The following CNTN5 variants were observed in gnomAD, a reference collection of about 807,000 sequenced individuals.
The protein encoded by CNTN5 is contactin-5.
A neutral mutation model predicts 129.1 loss-of-function variants in CNTN5; 77 were observed. The ratio of observed to expected loss-of-function variants is 0.60; its 90% CI spans 0.50 to 0.72. The LOEUF is 0.72. Among genes scored for constraint, CNTN5 ranks in the 30% least tolerant of loss-of-function variants. CNTN5 has a pLI of 0.00. For synonymous variants in CNTN5, 509 were observed against 465.6 expected (o/e 1.09, Z -1.20); for missense variants, 1,478 against 1,328.8 (o/e 1.11, Z -1.75).
intron 3 of CNTN5, among the ~76,000 whole-genome samples, chr11:99,622,787 T>G (rs1950994874): frequency 6.6e-6 from 1 of 152,006 alleles, no homozygotes. Flanking sequence ...GCTAACTTGT[T>G]AATTGATTTT....
chr11:99,846,837 T>G (rs2135706512), intron 6 of CNTN5, among the ~76,000 whole-genome samples: 1 of 152,258 alleles, frequency 6.6e-6, no homozygotes, highest in African/African-American at 2.4e-5. Flanking sequence ...AATATCATAT[T>G]TTAAAGTAGA....
chr11:100,054,072 A>C (rs963544087), intron 9 of CNTN5, among the ~76,000 whole-genome samples: 2 of 151,774 alleles, frequency 1.3e-5, no homozygotes, highest in Non-Finnish European at 3.0e-5. Flanking sequence ...AATAATTGGG[A>C]AGAGATATGA....
intron 15 of CNTN5, among the ~76,000 whole-genome samples, chr11:100,211,229 A>T (rs1222433017): frequency 6.6e-6 from 1 of 152,126 alleles, no homozygotes; most frequent in African/African-American, 2.4e-5. Flanking sequence ...TAAAGGTAAC[A>T]TGCTTTTGAG....
At chr11:99,099,866 T>C (rs1201540716) in intron 1 of CNTN5, among the ~76,000 whole-genome samples, 2 of 152,200 alleles carry the variant, frequency 1.3e-5, no homozygotes, top group Non-Finnish European at 2.9e-5. Context: ...ATTATTTCTG[T>C]ATTCAAAGTG....
At chr11:100,317,913 C>A (rs577440316) in intron 21 of CNTN5, among the ~76,000 whole-genome samples, 2 of 151,696 alleles carry the variant, frequency 1.3e-5, no homozygotes, top group South Asian at 4.2e-4. Flanking sequence ...CAAATGGAAC[C>A]AAAAAAGTAT....
intron 3 of CNTN5, among the ~76,000 whole-genome samples, chr11:99,582,444 C>T (rs1949639931): frequency 6.6e-6 from 1 of 152,186 alleles, no homozygotes; most frequent in African/African-American, 2.4e-5. Flanking sequence ...TCCATTCTCC[C>T]CGTCACTTTC....
At chr11:99,119,200 C>A (rs77696248) in intron 1 of CNTN5, among the ~76,000 whole-genome samples, 11,642 of 152,092 alleles carry the variant, frequency 0.077, 524 homozygotes, top group African/African-American at 0.12. Context: ...TATAGGTAAA[C>A]CCAAGCCATG....
At chr11:99,598,372 C>G (rs1950205921) in intron 3 of CNTN5, among the ~76,000 whole-genome samples, 6 of 15,860 alleles carry the variant, frequency 3.8e-4, no homozygotes, top group Admixed American at 1.1e-3. Context: ...CTCTCTCTCT[C>G]TCCCTCTCTC....
chr11:99,113,478 C>T (rs149974900), intron 1 of CNTN5, among the ~76,000 whole-genome samples: 1 of 152,104 alleles, frequency 6.6e-6, no homozygotes, highest in East Asian at 1.9e-4. Context: ...ATGTGACTAA[C>T]TTGGTTACTA....
chr11:99,310,655 T>G (rs1438257587), intron 1 of CNTN5, among the ~76,000 whole-genome samples: 1 of 152,172 alleles, frequency 6.6e-6, no homozygotes, highest in Non-Finnish European at 1.5e-5. Flanking sequence ...AATTGAGAAG[T>G]ATTTTTGTGA....
intron 6 of CNTN5, among the ~76,000 whole-genome samples, chr11:99,906,900 G>T (rs1298981292): frequency 1.3e-5 from 2 of 151,302 alleles, no homozygotes; most frequent in Non-Finnish European, 3.0e-5. Context: ...AGATTTTCTA[G>T]TTTATTTGCA....
chr11:99,998,515 C>T (rs1237548899), intron 8 of CNTN5, among the ~76,000 whole-genome samples: 1 of 137,606 alleles, frequency 7.3e-6, no homozygotes, highest in Non-Finnish European at 1.6e-5. Flanking sequence ...AGGATACAAA[C>T]AAATGGAAGA....
intron 13 of CNTN5, among the ~76,000 whole-genome samples, chr11:100,124,099 T>C (rs767707005): frequency 6.6e-6 from 1 of 152,028 alleles, no homozygotes; most frequent in Non-Finnish European, 1.5e-5. Flanking sequence ...GGTCAATATC[T>C]TTTTCAGTAT....
At chr11:99,121,143 T>C (rs1408124976) in intron 1 of CNTN5, among the ~76,000 whole-genome samples, 3 of 88,688 alleles carry the variant, frequency 3.4e-5, no homozygotes, top group Admixed American at 1.2e-4. Flanking sequence ...TTCTTTTTTT[T>C]TTTTTTTTTG....
At chr11:99,387,996 G>T (rs941113277) in intron 2 of CNTN5, among the ~76,000 whole-genome samples, 1 of 152,110 alleles carries the variant, frequency 6.6e-6, no homozygotes, top group African/African-American at 2.4e-5. Context: ...CCAGTGTGCA[G>T]CCAGAATTGA....
chr11:99,787,183 G>T (rs1443149935), intron 3 of CNTN5, among the ~76,000 whole-genome samples: 2 of 150,830 alleles, frequency 1.3e-5, no homozygotes, highest in Non-Finnish European at 3.0e-5. Flanking sequence ...GCTTTAAGAG[G>T]ATGATCTTCT....
At chr11:99,728,019 A>G (rs774676500) in intron 3 of CNTN5, among the ~76,000 whole-genome samples, 1 of 152,178 alleles carries the variant, frequency 6.6e-6, no homozygotes, top group Non-Finnish European at 1.5e-5. Context: ...AATCAACTAA[A>G]TCAATCATTT....
chr11:100,135,176 G>GTTTT (rs10652749), intron 13 of CNTN5, among the ~76,000 whole-genome samples: 16 of 127,092 alleles, frequency 1.3e-4, no homozygotes, highest in East Asian at 4.8e-4. Flanking sequence ...ATATAAAAGT[G>GTTTT]TTTTTTTTTT....
chr11:99,233,536 T>C (rs1352293980), intron 1 of CNTN5, among the ~76,000 whole-genome samples: 2 of 152,240 alleles, frequency 1.3e-5, no homozygotes, highest in Admixed American at 6.5e-5. Flanking sequence ...TTGATTCTTG[T>C]ATTCTGTATA....
Sources: gnomAD v4.1 joint callset for allele counts (sites outside exome capture counted in the v4.1 genomes callset) on GRCh38, gnomAD v4.1.1 for gene constraint, MANE v1.5 for transcripts, NCBI Gene and HGNC (gene_info 2026-07-23, HGNC 2026-07-21) for gene names.